Variants in DCP2 observed in about 807,000 individuals in gnomAD.
DCP2 encodes the protein decapping mRNA 2.
A neutral mutation model predicts 56.1 loss-of-function variants in DCP2; 30 were observed. The observed-to-expected ratio is 0.53, with a 90% CI of 0.40 to 0.73. The LOEUF (loss-of-function observed/expected upper bound fraction) is 0.73, where lower values mean the gene tolerates loss of function less well. DCP2 is among the 30% of genes least tolerant of loss of function. The pLI, the probability that DCP2 is intolerant of heterozygous loss-of-function variation, is 0.00. For synonymous variants in DCP2, 197 were observed against 163.3 expected (o/e 1.21, Z -1.57); for missense variants, 533 against 502.7 (o/e 1.06, Z -0.58).
chr5:113,007,129 TAAAAA>T (rs534334249), intron 8 of DCP2, among the ~76,000 whole-genome samples: 1 of 149,448 alleles, frequency 6.7e-6, no homozygotes, highest in East Asian at 1.9e-4. Context: ...AGACTCCATT[TAAAAA>T]AAAAATAATA....
chr5:112,994,260 C>T (rs112492745), intron 4 of DCP2, among the ~76,000 whole-genome samples: 4,763 of 150,174 alleles, frequency 0.032, 245 homozygotes, highest in African/African-American at 0.11. Flanking sequence ...CAGCCTCGAC[C>T]GCCTGGGCTC....
At position 113,021,283 on chromosome 5, in the gene DCP2, C is replaced by G. The variant is rs901957610; in HGVS notation, c.*7799C>G. Among the ~76,000 whole-genome samples, 1 of 150,910 alleles carries G rather than the reference C, an allele frequency of 6.6e-6. No individual in the cohort carries two copies. The highest frequency in any genetic ancestry group is 2.4e-5 in the African/African-American group (1 of 41,028). ...TTGGGAGGCTGAGGCAGGAGAATCTCTTGACCCCGGGAGGCAGAGGTCGCA... is the reference window on the plus strand; with the variant it reads ...TTGGGAGGCTGAGGCAGGAGAATCTGTTGACCCCGGGAGGCAGAGGTCGCA... On this transcript the variant is annotated 3_prime_UTR_variant, in exon 11 of 11. Coordinates refer to ENST00000389063, the MANE Select transcript of DCP2 (RefSeq NM_152624.6).
At chr5:113,010,085 TGTG>T (rs1238899341) in intron 9 of DCP2, among the ~76,000 whole-genome samples, 3 of 150,222 alleles carry the variant, frequency 2.0e-5, no homozygotes, top group Non-Finnish European at 3.0e-5. Flanking sequence ...CAGGCTGAAA[TGTG>T]GTGGTGCGAT....
At chr5:112,995,798 GCTGTTTTAGT>G (rs1748820757) in intron 4 of DCP2, among the ~76,000 whole-genome samples, 1 of 152,184 alleles carries the variant, frequency 6.6e-6, no homozygotes, top group Non-Finnish European at 1.5e-5. Flanking sequence ...GTGAAGTGTT[GCTGTTTTAGT>G]CTGTGAGGGC....
chr5:112,977,050 G>C, intron 1 of DCP2, 64 bp downstream of exon 1: 4 of 1,344,862 alleles, frequency 3.0e-6, no homozygotes, highest in Non-Finnish European at 3.0e-6. Flanking sequence ...GACCCCCAGA[G>C]GCCTCTGGGT....
rs1435186359 is a variant in DCP2 at position 113,021,375 on chromosome 5, C to CA, written c.*7897dup. ...AGAGCAAGACTCTGTCTGGAAAAAACAAAAAACAACCAAAAAAAAAAAAAA... is the reference window on the plus strand; with the variant it reads ...AGAGCAAGACTCTGTCTGGAAAAAACAAAAAAACAACCAAAAAAAAAAAAAA... On this transcript the variant is annotated 3_prime_UTR_variant, in exon 11 of 11. Transcript: ENST00000389063. Among the ~76,000 whole-genome samples, 1 of 63,304 alleles carries CA rather than the reference C, an allele frequency of 1.6e-5. No individual in the cohort carries two copies. The highest frequency in any genetic ancestry group is 5.1e-4 in the South Asian group (1 of 1,958). The allele number at this position is 63,304 out of a possible 152,430, so 41.5% of individuals were successfully genotyped here. A position where few individuals can be genotyped will look rare whatever the true frequency, so the allele number is the denominator to read the frequency against.
chr5:113,007,466 T>C (rs1484738425), intron 8 of DCP2, among the ~76,000 whole-genome samples: 2 of 151,298 alleles, frequency 1.3e-5, no homozygotes, highest in African/African-American at 2.4e-5. Context: ...AGTCGTGCCA[T>C]CTTGGCTGAC....
At chr5:112,994,170 T>C (rs923145137) in intron 4 of DCP2, among the ~76,000 whole-genome samples, 68 of 144,230 alleles carry the variant, frequency 4.7e-4, no homozygotes, top group African/African-American at 1.6e-3. Context: ...TTTCTTTTTT[T>C]TTTTTTTTTT....
rs78350399 is a variant in DCP2, at chr5:112,989,081, G to C, written c.206-3040G>C. Among the ~76,000 whole-genome samples the C allele has an allele frequency of 5.3e-5, 8 of 152,310 alleles. No individual in the cohort carries two copies. In the East Asian group the frequency reaches 1.5e-3, roughly 29 times the overall value. On this transcript the variant is annotated intron_variant, in intron 2 of 10. Transcript: ENST00000389063. ...TGTGCCAGGCCTTATGCAGTGAAGA[G>C]AGTAGACTCAGTATCTTCAAGAAGA...
intron 1 of DCP2, among the ~76,000 whole-genome samples, chr5:112,977,609 C>G (rs1747779320): frequency 6.6e-6 from 1 of 152,052 alleles, no homozygotes; most frequent in Non-Finnish European, 1.5e-5. Context: ...TCTTTTTATC[C>G]TTAATAATCC....
At chr5:112,992,602 G>A in intron 3 of DCP2, 70 bp from the exon 4 acceptor site, 2 of 1,126,238 alleles carry the variant, frequency 1.8e-6, no homozygotes, top group East Asian at 5.2e-5. Context: ...GGAGAAAAAT[G>A]CCTTTGATTT....
chr5:112,995,016 C>T (rs1748782771), intron 4 of DCP2, among the ~76,000 whole-genome samples: 1 of 152,134 alleles, frequency 6.6e-6, no homozygotes, highest in South Asian at 2.1e-4. Flanking sequence ...TTGGGTGTAA[C>T]TATTAATGAG....
rs1749520009 is a variant in DCP2, at chr5:113,008,037, T to C, written c.1042T>C (p.Leu348=). The C allele has an allele frequency of 6.2e-7, 1 of 1,613,484 alleles. No homozygotes were observed. Among genetic ancestry groups the C allele is most frequent in the African/African-American group, 1.3e-5 (1 of 74,918 alleles). Residue 348 remains leucine (L), a synonymous_variant, in exon 9 of 11, where the codon TTG becomes CTG. Coordinates refer to ENST00000389063, the MANE Select transcript of DCP2 (RefSeq NM_152624.6). ...TCAGCCAGCAAAGCAGCAGAATTCT[T>C]TGATGGTAAGAGTTATAGCTGTCAC... is the stretch of plus-strand genomic sequence containing the variant. The part of the protein sequence containing the change: ...GLQPAKQQNS[L]MKCEKKLHPR...
chr5:112,981,184 T>C (rs1214478048), intron 1 of DCP2, among the ~76,000 whole-genome samples: 1 of 151,144 alleles, frequency 6.6e-6, no homozygotes, highest in Non-Finnish European at 1.5e-5. Flanking sequence ...ATTAAATACA[T>C]TTTTTTTTGG....
At chr5:112,989,844 A>G (rs576037268) in intron 2 of DCP2, among the ~76,000 whole-genome samples, 92 of 152,194 alleles carry the variant, frequency 6.0e-4, no homozygotes, top group Non-Finnish European at 8.2e-4. Context: ...CTATTTTATT[A>G]ATTTACTAGA....
chr5:113,005,222 T>A (rs1319956041), intron 8 of DCP2, among the ~76,000 whole-genome samples: 2 of 151,466 alleles, frequency 1.3e-5, no homozygotes, highest in African/African-American at 4.9e-5. Context: ...ATTTTCAAAA[T>A]AGTGAAAAAG....
In DCP2 at chr5:113,014,582, T is replaced by A. The variant is rs2150194852; in HGVS notation, c.*1098T>A. 1 of 152,748 alleles carries A rather than the reference T, an allele frequency of 6.5e-6. No homozygotes were observed. Among genetic ancestry groups the A allele is most frequent in the African/African-American group, 2.4e-5 (1 of 41,562 alleles). The allele number at this position is 152,748 out of a possible 1,614,324, so 9.5% of individuals were successfully genotyped here. On this transcript the variant is annotated 3_prime_UTR_variant, in exon 11 of 11. Transcript: ENST00000389063. ...AACAGTAACATACATAACTCACTCC[T>A]AGGAATGTATTTTGCTTCAGGATTT...
intron 2 of DCP2, among the ~76,000 whole-genome samples, chr5:112,989,232 C>G (rs1339278110): frequency 6.6e-6 from 1 of 152,156 alleles, no homozygotes; most frequent in Non-Finnish European, 1.5e-5. Context: ...GTTTGATTCC[C>G]ATCTTGGCCA....
chr5:112,996,106 A>G (rs1167295464), intron 4 of DCP2, among the ~76,000 whole-genome samples: 1 of 152,174 alleles, frequency 6.6e-6, no homozygotes, highest in Non-Finnish European at 1.5e-5. Context: ...GAGCTTCAAC[A>G]TATGAATTTT....
Sources: gnomAD v4.1 joint callset for allele counts (sites outside exome capture counted in the v4.1 genomes callset) on GRCh38, gnomAD v4.1.1 for gene constraint, MANE v1.5 for transcripts, NCBI Gene and HGNC (gene_info 2026-07-23, HGNC 2026-07-21) for gene names.